Variants in RAP1GAP2 observed in about 807,000 individuals in gnomAD.
RAP1GAP2 encodes the protein RAP1 GTPase activating protein 2, also known as rap1 GTPase-activating protein 2.
In RAP1GAP2, 27 loss-of-function variants were observed where a neutral mutation model predicts 95.0. The observed-to-expected ratio is 0.28, with a 90% CI of 0.21 to 0.39. The LOEUF is 0.39. RAP1GAP2 is among the 10% of genes least tolerant of loss of function. The probability of loss-of-function intolerance (pLI) is 1.00; values close to 1 mark genes in which losing one functional copy is unlikely to be tolerated. For synonymous variants in RAP1GAP2, 373 were observed against 380.9 expected (o/e 0.98, Z 0.24); for missense variants, 771 against 970.0 (o/e 0.79, Z 2.72).
At chr17:2,847,434 G>A (rs1331156750) in intron 2 of RAP1GAP2, among the ~76,000 whole-genome samples, 1 of 152,098 alleles carries the variant, frequency 6.6e-6, no homozygotes, top group African/African-American at 2.4e-5. Flanking sequence ...AGCCCTAGTC[G>A]CCTGGAAATC....
intron 17 of RAP1GAP2, among the ~76,000 whole-genome samples, chr17:3,016,783 C>T (rs1192136765): frequency 6.6e-6 from 1 of 152,180 alleles, no homozygotes; most frequent in African/African-American, 2.4e-5. Flanking sequence ...GGTGTAGACA[C>T]CAACATCTCT....
At chr17:2,861,084 C>T (rs1403082891) in intron 2 of RAP1GAP2, among the ~76,000 whole-genome samples, 1 of 152,052 alleles carries the variant, frequency 6.6e-6, no homozygotes, top group Non-Finnish European at 1.5e-5. Context: ...TGCCACAGGC[C>T]CTTTGCACCT....
chr17:2,786,871 T>C (rs1392079181), intron 1 of RAP1GAP2, among the ~76,000 whole-genome samples: 2 of 149,600 alleles, frequency 1.3e-5, no homozygotes, highest in East Asian at 3.9e-4. Flanking sequence ...GGTCTCAAAC[T>C]CCTGACCTCA....
intron 2 of RAP1GAP2, among the ~76,000 whole-genome samples, chr17:2,837,648 C>T (rs2071196850): frequency 6.7e-6 from 1 of 149,292 alleles, no homozygotes; most frequent in African/African-American, 2.5e-5. Context: ...ACTCAGTTGC[C>T]CAGGCTGGAG....
intron 4 of RAP1GAP2, among the ~76,000 whole-genome samples, chr17:2,959,719 GTCCTGGGTTCAGGT>G (rs1427394573): frequency 2.6e-5 from 4 of 152,350 alleles, no homozygotes; most frequent in African/African-American, 9.6e-5. Flanking sequence ...GATTCCTTCA[GTCCTGGGTTCAGGT>G]TCTAACCCTG....
chr17:2,861,166 A>G (rs1338568238), intron 2 of RAP1GAP2, among the ~76,000 whole-genome samples: 2 of 151,722 alleles, frequency 1.3e-5, no homozygotes, highest in Non-Finnish European at 2.9e-5. Flanking sequence ...CATCTCTTTC[A>G]AAAGGCCTCC....
At chr17:2,758,480 T>A (rs1485372567) in intron 1 of RAP1GAP2, among the ~76,000 whole-genome samples, 1 of 152,068 alleles carries the variant, frequency 6.6e-6, no homozygotes, top group African/African-American at 2.4e-5. Context: ...GCCACATGAA[T>A]CATTTTTAGT....
rs1311564176 is a variant in RAP1GAP2, at chr17:3,026,019, C to T, written c.1763C>T (p.Ser588Phe). 1 of 1,612,808 alleles carries T rather than the reference C, an allele frequency of 6.2e-7. No individual in the cohort carries two copies. Among genetic ancestry groups the T allele is most frequent in the South Asian group, 1.1e-5 (1 of 91,034 alleles). ...TTCCATTCCCTCAGTGACAGCACAT[C>T]CAGCACACCCAAGACCCCAGATGGT... Reference protein sequence around the residue: ...GDSRARCDSTSSTPKTPDGGH... With the variant: ...GDSRARCDSTFSTPKTPDGGH... The change falls in exon 20 of 25, where the codon TCC (serine) becomes TTC (phenylalanine). Residue 588 changes from serine to phenylalanine, a missense_variant. Coordinates refer to ENST00000254695, the MANE Select transcript of RAP1GAP2 (RefSeq NM_015085.5).
chr17:3,011,373 G>C (rs951826777), intron 17 of RAP1GAP2, among the ~76,000 whole-genome samples: 1 of 152,210 alleles, frequency 6.6e-6, no homozygotes, highest in African/African-American at 2.4e-5. Flanking sequence ...TGGGGCCTGG[G>C]GTGGATTCTG....
rs190100055 is a variant in RAP1GAP2 at position 3,008,735 on chromosome 17, G to A, written c.1494+590G>A. 2.7e-4 allele frequency among the ~76,000 whole-genome samples: 41 copies of A among 152,324 alleles called. No homozygotes were observed. The highest frequency in any genetic ancestry group is 9.1e-4 in the African/African-American group (38 of 41,580). The stretch of plus-strand genomic sequence containing the variant: ...CCCTGGAAGTATTCAAGTGGAGCTC[G>A]GACGGCCCCCGAGCTGGCGTGTGGT... On this transcript the variant is annotated intron_variant, in intron 17 of 24. Transcript: ENST00000254695. This position sits in a 1 kb window ranked among gnomAD's most constrained non-coding sequence, Gnocchi z 4.2.
At chr17:2,794,122 C>T (rs1016422085), upstream of RAP1GAP2, among the ~76,000 whole-genome samples, 2 of 151,546 alleles carry the variant, frequency 1.3e-5, no homozygotes, top group African/African-American at 4.8e-5. Context: ...TGATCTTTCT[C>T]CTCTTTCCCT....
chr17:2,951,021 G>A (rs564094129), intron 3 of RAP1GAP2, among the ~76,000 whole-genome samples: 12 of 152,308 alleles, frequency 7.9e-5, no homozygotes, highest in African/African-American at 2.9e-4. Flanking sequence ...CCTGGGCTTC[G>A]ACCACCGGGC....
At chr17:2,775,489 G>A (rs2068479157), upstream of RAP1GAP2, among the ~76,000 whole-genome samples, 1 of 152,024 alleles carries the variant, frequency 6.6e-6, no homozygotes, top group Admixed American at 6.6e-5. Flanking sequence ...TGGGTGGTGG[G>A]GAGGGGGCAC....
intron 2 of RAP1GAP2, among the ~76,000 whole-genome samples, chr17:2,868,396 G>A (rs558509582): frequency 1.3e-5 from 2 of 152,168 alleles, no homozygotes; most frequent in Non-Finnish European, 2.9e-5. Context: ...GATCTTGAAC[G>A]TACATGGTGT....
chr17:2,947,395 G>A (rs1439926091), intron 3 of RAP1GAP2, among the ~76,000 whole-genome samples: 2 of 152,090 alleles, frequency 1.3e-5, no homozygotes, highest in African/African-American at 2.4e-5. Context: ...ACAGACAGCT[G>A]TTAATAGCAG....
chr17:2,955,221 G>A (rs918486745), intron 3 of RAP1GAP2, among the ~76,000 whole-genome samples: 5 of 152,146 alleles, frequency 3.3e-5, no homozygotes, highest in Admixed American at 2.6e-4. Flanking sequence ...TTTCCACAAT[G>A]GCTGTACTGT....
At chr17:3,020,879 CA>C (rs2046937103) in intron 19 of RAP1GAP2, among the ~76,000 whole-genome samples, 1 of 152,208 alleles carries the variant, frequency 6.6e-6, no homozygotes, top group African/African-American at 2.4e-5. Context: ...CCTCCTTTTT[CA>C]ACGCTCACTC....
In RAP1GAP2 at chr17:3,027,921, TC is replaced by T. The variant is rs2047178956; in HGVS notation, c.2107+854del. Reference sequence around the variant, plus strand: ...GTCTGGGCGTTTTGGGGTTCTGTGATCCCTGCAGTTGGTCAGAATAGGGGGG... The same window carrying T: ...GTCTGGGCGTTTTGGGGTTCTGTGATCCTGCAGTTGGTCAGAATAGGGGGG... On this transcript the variant is annotated intron_variant, in intron 22 of 24. Coordinates refer to ENST00000254695, the MANE Select transcript of RAP1GAP2 (RefSeq NM_015085.5). The surrounding 1 kb of genome is among the most constrained non-coding windows in gnomAD (Gnocchi z 5.2). 6.6e-6 allele frequency among the ~76,000 whole-genome samples: 1 copy of T among 152,002 alleles called. No homozygotes were observed. The highest frequency in any genetic ancestry group is 1.5e-5 in the Non-Finnish European group (1 of 67,990).
chr17:2,844,770 GTCTT>G (rs2071515011), intron 2 of RAP1GAP2, among the ~76,000 whole-genome samples: 1 of 152,150 alleles, frequency 6.6e-6, no homozygotes, highest in African/African-American at 2.4e-5. Context: ...AAGCCGGAAA[GTCTT>G]TGATTACACC....
Sources: gnomAD v4.1 joint callset for allele counts (sites outside exome capture counted in the v4.1 genomes callset) on GRCh38, gnomAD v4.1.1 for gene constraint, Gnocchi (gnomAD v3.1) non-coding constraint, MANE v1.5 for transcripts, NCBI Gene and HGNC (gene_info 2026-07-23, HGNC 2026-07-21) for gene names.